AGAP1: variants seen among roughly 807,000 people sequenced by gnomAD.
AGAP1 encodes arf-GAP with GTPase, ANK repeat and PH domain-containing protein 1.
A neutral mutation model predicts 105.3 loss-of-function variants in AGAP1; 29 were observed. The ratio of observed to expected loss-of-function variants is 0.28; its 90% CI spans 0.21 to 0.38. AGAP1 has a LOEUF of 0.38. Among genes scored for constraint, AGAP1 ranks in the 10% least tolerant of loss-of-function variants. The probability of loss-of-function intolerance (pLI) is 1.00; values close to 1 mark genes in which losing one functional copy is unlikely to be tolerated. For synonymous variants in AGAP1, 509 were observed against 485.9 expected, an observed-to-expected ratio of 1.05 and a Z score of -0.63; for missense variants, 998 against 1,165.1, an observed-to-expected ratio of 0.86 and a Z score of 2.09.
rs1948059757 is a variant in AGAP1 at position 235,664,355 on chromosome 2, G to A, written c.164-44824G>A. ...GCCCCCCAGGTAGCTGGGATTACAG[G>A]TGCACACCACCACGCCCAGCTAATT... On this transcript the variant is annotated intron_variant, in intron 1 of 17. Transcript: ENST00000304032. This position sits in a 1 kb window ranked among gnomAD's most constrained non-coding sequence, Gnocchi z 5.7. 1.3e-5 allele frequency among the ~76,000 whole-genome samples: 2 copies of A among 151,910 alleles called. No individual in the cohort carries two copies. The highest frequency in any genetic ancestry group is 2.1e-4 in the South Asian group (1 of 4,802).
intron 16 of AGAP1, among the ~76,000 whole-genome samples, chr2:236,102,352 A>T (rs1048841720): frequency 3.4e-5 from 5 of 148,108 alleles, no homozygotes. Context: ...CGGGAGGCAG[A>T]GCTTGCATTG....
chr2:236,088,067 T>C (rs1559263265), intron 16 of AGAP1, among the ~76,000 whole-genome samples: 1 of 152,168 alleles, frequency 6.6e-6, no homozygotes, highest in Non-Finnish European at 1.5e-5. Context: ...GTCTCCACGA[T>C]GGTTATTTCC....
chr2:235,714,696 C>G lies in AGAP1; in HGVS notation c.223-2861C>G, dbSNP rs920759294. On this transcript the variant is annotated intron_variant, in intron 2 of 17. Coordinates refer to ENST00000304032, the MANE Select transcript of AGAP1 (RefSeq NM_001037131.3). This position sits in a 1 kb window ranked among gnomAD's most constrained non-coding sequence, Gnocchi z 4.1. ...ACATTTGGATCCATGAGCCATCACT[C>G]AGACAGCAGACCACGGTGGCCTGTA... Among the ~76,000 whole-genome samples, 14 of 152,150 alleles carry G rather than the reference C, an allele frequency of 9.2e-5. No individual in the cohort carries two copies. The highest frequency in any genetic ancestry group is 3.1e-4 in the African/African-American group (13 of 41,446).
In AGAP1 at chr2:235,689,341, T is replaced by A. The variant is rs895215767; in HGVS notation, c.164-19838T>A. On this transcript the variant is annotated intron_variant, in intron 1 of 17. Coordinates refer to ENST00000304032, the MANE Select transcript of AGAP1 (RefSeq NM_001037131.3). The surrounding 1 kb of genome is among the most constrained non-coding windows in gnomAD (Gnocchi z 4.2). ...CACAGCTCACCACGCGGGCCTGGAG[T>A]GAGCCTGCTGCTGTTCATCGGCCCG... Among the ~76,000 whole-genome samples the A allele has an allele frequency of 3.9e-5, 6 of 152,110 alleles. No individual in the cohort carries two copies. Among genetic ancestry groups the A allele is most frequent in the African/African-American group, 1.4e-4 (6 of 41,424 alleles).
chr2:235,507,920 C>T (rs1941895883), intron 1 of AGAP1, among the ~76,000 whole-genome samples: 1 of 152,056 alleles, frequency 6.6e-6, no homozygotes, highest in African/African-American at 2.4e-5. Context: ...AAGTACAGTA[C>T]CTGATAGGTA....
intron 1 of AGAP1, among the ~76,000 whole-genome samples, chr2:235,653,583 C>G (rs1947680411): frequency 6.6e-6 from 1 of 152,274 alleles, no homozygotes; most frequent in South Asian, 2.1e-4. Flanking sequence ...CTCATCTCTT[C>G]TACCTGAGTG....
chr2:235,928,020 A>G (rs971546038), intron 11 of AGAP1, among the ~76,000 whole-genome samples: 3 of 152,184 alleles, frequency 2.0e-5, no homozygotes, highest in African/African-American at 7.2e-5. Context: ...TCTTACCTAC[A>G]CAGCAGGTGT....
At chr2:235,658,410 G>T (rs1271389593) in intron 1 of AGAP1, among the ~76,000 whole-genome samples, 1 of 152,242 alleles carries the variant, frequency 6.6e-6, no homozygotes, top group South Asian at 2.1e-4. Flanking sequence ...TATCCAGAAT[G>T]CTTCGGACGG....
intron 10 of AGAP1, among the ~76,000 whole-genome samples, chr2:235,894,555 A>G (rs2050705462): frequency 6.6e-6 from 1 of 152,164 alleles, no homozygotes; most frequent in South Asian, 2.1e-4. Context: ...GTGAAAATGT[A>G]TTGTGAACAC....
intron 9 of AGAP1, among the ~76,000 whole-genome samples, chr2:235,820,684 T>C (rs1958741289): frequency 6.6e-6 from 1 of 152,230 alleles, no homozygotes; most frequent in Admixed American, 6.5e-5. Context: ...AAATTAATTT[T>C]ATACAAATAT....
chr2:235,781,972 C>G (rs1480163018), intron 6 of AGAP1, among the ~76,000 whole-genome samples: 1 of 152,184 alleles, frequency 6.6e-6, no homozygotes, highest in East Asian at 1.9e-4. Context: ...TTTCTAGACC[C>G]AGTGACACAA....
At chr2:236,103,358 C>T (rs1374308512) in intron 16 of AGAP1, among the ~76,000 whole-genome samples, 1 of 152,146 alleles carries the variant, frequency 6.6e-6, no homozygotes, top group African/African-American at 2.4e-5. Context: ...ATGTTAGCCC[C>T]CAAGGGGGCA....
intron 1 of AGAP1, among the ~76,000 whole-genome samples, chr2:235,511,177 C>T (rs879903926): frequency 4.6e-5 from 7 of 152,052 alleles, no homozygotes; most frequent in Admixed American, 2.0e-4. Context: ...CCTGAGTCTT[C>T]GTCATCCCGA....
intron 6 of AGAP1, chr2:235,783,268 C>T: frequency 2.2e-6 from 1 of 448,794 alleles, no homozygotes. Flanking sequence ...AATTTATGGC[C>T]TGAAGAGTCA....
intron 8 of AGAP1, among the ~76,000 whole-genome samples, chr2:235,804,227 A>C (rs1230310975): frequency 1.3e-5 from 2 of 152,194 alleles, no homozygotes; most frequent in Non-Finnish European, 2.9e-5. Context: ...TTCTAGTGTG[A>C]GTCTTGAAAT....
At chr2:235,913,489 G>A (rs1054947402) in intron 11 of AGAP1, among the ~76,000 whole-genome samples, 2 of 151,380 alleles carry the variant, frequency 1.3e-5, no homozygotes, top group Admixed American at 1.3e-4. Context: ...CTTTGTTGTA[G>A]AACTCAATCA....
At chr2:235,807,178 C>T in intron 8 of AGAP1, 61 bp from the exon 9 acceptor site, 1 of 1,525,062 alleles carries the variant, frequency 6.6e-7, no homozygotes, top group South Asian at 1.2e-5. Flanking sequence ...CAAACAGGGG[C>T]AGAGCCCCGT....
At chr2:235,585,154 G>C (rs1467251340) in intron 1 of AGAP1, among the ~76,000 whole-genome samples, 1 of 152,070 alleles carries the variant, frequency 6.6e-6, no homozygotes, top group Non-Finnish European at 1.5e-5. Context: ...CACACACTAA[G>C]TGGCTTAAAA....
rs1329174869 is a variant in AGAP1, at chr2:235,663,021, C to T, written c.164-46158C>T. ...CCTGGGGAACACCGAGCTAGGGACA[C>T]GCTGGCTAATAGAGGAAGGAGAGCT... On this transcript the variant is annotated intron_variant, in intron 1 of 17. Coordinates refer to ENST00000304032, the MANE Select transcript of AGAP1 (RefSeq NM_001037131.3). This position sits in a 1 kb window ranked among gnomAD's most constrained non-coding sequence, Gnocchi z 5.4. Among the ~76,000 whole-genome samples the T allele has an allele frequency of 6.6e-6, 1 of 152,160 alleles. No homozygotes were observed. Among genetic ancestry groups the T allele is most frequent in the East Asian group, 1.9e-4 (1 of 5,176 alleles).
Sources: gnomAD v4.1 joint callset for allele counts (sites outside exome capture counted in the v4.1 genomes callset) on GRCh38, gnomAD v4.1.1 for gene constraint, Gnocchi (gnomAD v3.1) non-coding constraint, MANE v1.5 for transcripts, NCBI Gene and HGNC (gene_info 2026-07-23, HGNC 2026-07-21) for gene names.